The following LIMCH1 variants were observed in gnomAD, a reference collection of about 807,000 sequenced individuals.
LIMCH1 encodes the protein LIM and calponin homology domains-containing protein 1.
A neutral mutation model predicts 176.5 loss-of-function variants in LIMCH1; 113 were observed. That is an observed-to-expected ratio of 0.64 (90% CI 0.55 to 0.75). LIMCH1 has a LOEUF of 0.75. Ranked by LOEUF, LIMCH1 falls within the 30% of genes least tolerant of loss-of-function variation. The pLI, the probability that LIMCH1 is intolerant of heterozygous loss-of-function variation, is 0.00. For missense variants in LIMCH1, 1,674 were observed against 1,814.9 expected (o/e 0.92, Z 1.41); for synonymous variants, 619 against 645.9 (o/e 0.96, Z 0.63).
intron 31 of LIMCH1, 45 bp downstream of exon 31, chr4:41,692,429 A>T (rs760553081): frequency 1.1e-5 from 13 of 1,201,362 alleles, no homozygotes; most frequent in Non-Finnish European, 1.5e-5. Context: ...GTGTAATCGT[A>T]TGTCTTCCAT....
chr4:41,665,948 A>G (rs183813380), intron 20 of LIMCH1, among the ~76,000 whole-genome samples: 2 of 152,368 alleles, frequency 1.3e-5, no homozygotes, highest in African/African-American at 4.8e-5. Context: ...ACAAGTAGTA[A>G]CAAGTAGTCC....
intron 1 of LIMCH1, among the ~76,000 whole-genome samples, chr4:41,578,988 C>T (rs1317704336): frequency 1.3e-5 from 2 of 152,024 alleles, no homozygotes; most frequent in African/African-American, 4.8e-5. Context: ...CAAATGTGAA[C>T]CACTGCACCC....
rs74970991 is a variant in LIMCH1 at position 41,627,147 on chromosome 4, T to C, written c.1028+137T>C. On this transcript the variant is annotated intron_variant, in intron 8 of 31. Coordinates refer to ENST00000503057, the MANE Select transcript of LIMCH1 (RefSeq NM_001330672.2). ...TCCTCTTTCCAGCCTCTCAATTATA[T>C]GTACTTTGTAATGGGGGTTTATTTT... is the stretch of plus-strand genomic sequence containing the variant. 24 of 1,202,272 alleles carry C rather than the reference T, an allele frequency of 2.0e-5. No homozygotes were observed. In the East Asian group the frequency reaches 5.9e-4, roughly 30 times the overall value. 74.5% of individuals were successfully genotyped at this position (1,202,272 alleles called of 1,614,324 possible).
At chr4:41,661,611 G>T in intron 19 of LIMCH1, 101 bp downstream of exon 19, 2 of 831,218 alleles carry the variant, frequency 2.4e-6, no homozygotes. Context: ...CAGGAAAGTA[G>T]TAATTAGACT....
At chr4:41,664,090 G>C (rs1290352162) in intron 20 of LIMCH1, among the ~76,000 whole-genome samples, 2 of 151,978 alleles carry the variant, frequency 1.3e-5, no homozygotes, top group Non-Finnish European at 2.9e-5. Flanking sequence ...AAATAAATTA[G>C]AATCTGTGGA....
At chr4:41,455,194 C>A (rs1187024130) in intron 1 of LIMCH1, among the ~76,000 whole-genome samples, 1 of 152,116 alleles carries the variant, frequency 6.6e-6, no homozygotes, top group Admixed American at 6.5e-5. Flanking sequence ...AGGGAGGCTG[C>A]TATCAATTAT....
intron 1 of LIMCH1, chr4:41,494,460 C>T (rs552785006): frequency 3.0e-6 from 3 of 989,738 alleles, no homozygotes; most frequent in Non-Finnish European, 4.8e-6. Context: ...CACATACACA[C>T]ACACATATAT....
intron 1 of LIMCH1, among the ~76,000 whole-genome samples, chr4:41,565,651 A>G (rs2082668375): frequency 6.6e-6 from 1 of 152,092 alleles, no homozygotes; most frequent in Admixed American, 6.6e-5. Flanking sequence ...GTATGCTTGG[A>G]CTGGTGAACT....
chr4:41,419,620 T>TTCC (rs1561310445), intron 1 of LIMCH1, among the ~76,000 whole-genome samples: 1 of 93,578 alleles, frequency 1.1e-5, no homozygotes, highest in Admixed American at 1.1e-4. Flanking sequence ...CCTTCCTTCC[T>TTCC]TCCTTCCTTC....
At chr4:41,498,163 G>A (rs1165999388) in intron 2 of LIMCH1, among the ~76,000 whole-genome samples, 1 of 152,152 alleles carries the variant, frequency 6.6e-6, no homozygotes, top group Non-Finnish European at 1.5e-5. Context: ...GGATGTAGGA[G>A]TTTCAGTTTT....
intron 1 of LIMCH1, among the ~76,000 whole-genome samples, chr4:41,460,650 A>G (rs2065248032): frequency 6.6e-6 from 1 of 152,052 alleles, no homozygotes; most frequent in Admixed American, 6.5e-5. Flanking sequence ...TAAAGGCATA[A>G]AAGCCCGAAA....
chr4:41,507,196 C>T (rs1262808767), intron 2 of LIMCH1, among the ~76,000 whole-genome samples: 2 of 152,174 alleles, frequency 1.3e-5, no homozygotes, highest in Non-Finnish European at 2.9e-5. Flanking sequence ...TCTTGTTGGT[C>T]CATCCTCCCA....
intron 1 of LIMCH1, among the ~76,000 whole-genome samples, chr4:41,389,833 A>G (rs1158511199): frequency 6.6e-6 from 1 of 152,196 alleles, no homozygotes; most frequent in Non-Finnish European, 1.5e-5. Flanking sequence ...CCATTGCTCC[A>G]GATCCTGAAC....
chr4:41,536,303 G>T (rs1397873902), upstream of LIMCH1, among the ~76,000 whole-genome samples: 2 of 152,142 alleles, frequency 1.3e-5, no homozygotes, highest in Non-Finnish European at 2.9e-5. Context: ...GATTGTTTTT[G>T]TAGGAAGTTT....
Position 41,546,529 on chromosome 4 carries a change from G to T in LIMCH1, c.-241+8179G>T, listed in dbSNP as rs183138766. Among the ~76,000 whole-genome samples, 400 of 151,522 alleles carry T rather than the reference G, an allele frequency of 2.6e-3. 2 individuals carry two copies. Among genetic ancestry groups the T allele is most frequent in the East Asian group, 0.026 (136 of 5,156 alleles). On this transcript the variant is annotated intron_variant, in intron 1 of 31. Coordinates refer to ENST00000503057, the MANE Select transcript of LIMCH1 (RefSeq NM_001330672.2). ...CTATCTATAGAATGAAATCAATGTG[G>T]TTTTTTTTCTCAACTTTCTTCTTTT...
chr4:41,373,973 G>A (rs1209197612), intron 1 of LIMCH1, among the ~76,000 whole-genome samples: 1 of 152,166 alleles, frequency 6.6e-6, no homozygotes, highest in Admixed American at 6.5e-5. Context: ...TGCAGGACAT[G>A]CCTACTTCCC....
chr4:41,529,917 C>T (rs1455586480), intron 3 of LIMCH1, among the ~76,000 whole-genome samples: 1 of 152,128 alleles, frequency 6.6e-6, no homozygotes, highest in Non-Finnish European at 1.5e-5. Flanking sequence ...ATGATCCTAC[C>T]ATTCAGTAAC....
intron 1 of LIMCH1, among the ~76,000 whole-genome samples, chr4:41,373,158 G>T (rs1316460952): frequency 6.6e-6 from 1 of 152,190 alleles, no homozygotes; most frequent in Non-Finnish European, 1.5e-5. Flanking sequence ...ATCTCCTTTG[G>T]TCTAAGGGGC....
intron 1 of LIMCH1, among the ~76,000 whole-genome samples, chr4:41,367,183 TG>T (rs2053142522): frequency 6.6e-6 from 1 of 152,076 alleles, no homozygotes; most frequent in South Asian, 2.1e-4. Context: ...GAGATTTGGG[TG>T]GGGACACAGA....
Sources: allele counts gnomAD v4.1 joint callset (sites outside exome capture counted in the v4.1 genomes callset), GRCh38; gene constraint gnomAD v4.1.1; transcripts MANE v1.5; gene names NCBI Gene and HGNC (gene_info 2026-07-23, HGNC 2026-07-21).